Variants in DOCK10 observed in about 807,000 individuals in gnomAD.
DOCK10 encodes the protein dedicator of cytokinesis protein 10.
Under a neutral mutation model 280.1 loss-of-function variants are expected in DOCK10, and 145 were observed. The ratio of observed to expected loss-of-function variants is 0.52; its 90% CI spans 0.45 to 0.59. The LOEUF is 0.59. DOCK10 is among the 20% of genes least tolerant of loss of function. The pLI is 0.00. For synonymous variants in DOCK10, 915 were observed against 942.2 expected (o/e 0.97, Z 0.53); for missense variants, 2,368 against 2,651.7 (o/e 0.89, Z 2.35).
In DOCK10 at chr2:224,814,353, G is replaced by C. The variant is rs967844688; in HGVS notation, c.3376C>G (p.Pro1126Ala). The C allele has an allele frequency of 1.1e-5, 17 of 1,530,020 alleles. No homozygotes were observed. The highest frequency in any genetic ancestry group is 2.8e-5 in the African/African-American group (2 of 72,022). 94.8% of individuals were successfully genotyped at this position (1,530,020 alleles called of 1,614,324 possible). The change falls in exon 31 of 56, where the codon CCT becomes GCT. Residue 1126 changes from proline (P) to alanine (A), a missense_variant. This residue lies in a region of DOCK10 where 1,159 missense variants were observed against 1,400.8 expected (regional missense o/e 0.83). Coordinates refer to ENST00000258390, the MANE Select transcript of DOCK10 (RefSeq NM_014689.3). ...RSANIPDPLT[P>A]SESTQELHAS... ...TGTAACTCTTGAGTCGATTCTGAAG[G>C]TGTCAAAGGATCTGAATTTAATATA...
At chr2:225,004,757 C>T (rs1706525250) in intron 1 of DOCK10, among the ~76,000 whole-genome samples, 1 of 152,192 alleles carries the variant, frequency 6.6e-6, no homozygotes, top group Admixed American at 6.5e-5. Context: ...GATGCAATTT[C>T]AGAGCAGGCT....
chr2:224,986,610 G>GCTCTCTCT (rs34881146), intron 1 of DOCK10, among the ~76,000 whole-genome samples: 2 of 149,540 alleles, frequency 1.3e-5, no homozygotes, highest in Non-Finnish European at 3.0e-5. Context: ...ATAAACACCA[G>GCTCTCTCT]CTCTCTCTCT....
At chr2:224,852,502 C>T (rs1200327253) in intron 17 of DOCK10, 60 bp from the exon 18 acceptor site, 2 of 1,362,886 alleles carry the variant, frequency 1.5e-6, no homozygotes, top group African/African-American at 2.9e-5. Flanking sequence ...CATAAAAAAC[C>T]CAAGTGCCTA....
In DOCK10 at chr2:224,770,717, C is replaced by T. The variant is rs2124949259; in HGVS notation, c.6205-72G>A. 2.2e-5 allele frequency: 24 copies of T among 1,082,792 alleles called. No individual in the cohort carries two copies. In the South Asian group the frequency reaches 3.1e-4, roughly 14 times the overall value. 67.1% of individuals were successfully genotyped at this position (1,082,792 alleles called of 1,614,324 possible). ...GTCTTTTCCACCGCTGGAAGAGGAG[C>T]AACTGTGCACCAATGGTGTGGTACC... On this transcript the variant is annotated intron_variant, in intron 53 of 55. Coordinates refer to ENST00000258390, the MANE Select transcript of DOCK10 (RefSeq NM_014689.3). The surrounding 1 kb of genome is among the most constrained non-coding windows in gnomAD (Gnocchi z 4.5).
chr2:224,862,826 T>G, intron 13 of DOCK10, 80 bp from the exon 14 acceptor site: 1 of 894,212 alleles, frequency 1.1e-6, no homozygotes, highest in South Asian at 2.3e-5. Context: ...AAATACTTTT[T>G]CATATTATTT....
rs577799384 is a variant in DOCK10, at chr2:224,839,255, AT to A, written c.2780+698del. On this transcript the variant is annotated intron_variant, in intron 24 of 55. Transcript: ENST00000258390. ...CACCACGCCCGGCTAATTTTTTGTA[AT>A]TTTTTTTTTTTTTTTTTTAGTAGAG... 5.9e-3 allele frequency among the ~76,000 whole-genome samples: 777 copies of A among 131,702 alleles called. 2 individuals are homozygous for A. The highest frequency in any genetic ancestry group is 7.6e-3 in the Middle Eastern group (2 of 262). 86.4% of individuals were successfully genotyped at this position (131,702 alleles called of 152,430 possible).
At chr2:224,858,109 C>T (rs74432647) in intron 14 of DOCK10, among the ~76,000 whole-genome samples, 7,603 of 152,190 alleles carry the variant, frequency 0.05, 276 homozygotes, top group South Asian at 0.088. Context: ...TGTTTCAGTG[C>T]ATCACATGTT....
chr2:224,769,372 G>A (rs955940185), intron 55 of DOCK10, among the ~76,000 whole-genome samples: 1 of 152,192 alleles, frequency 6.6e-6, no homozygotes, highest in African/African-American at 2.4e-5. Flanking sequence ...AACAGTGCCA[G>A]GCCATTTAAG....
intron 1 of DOCK10, among the ~76,000 whole-genome samples, chr2:224,969,216 C>G (rs904029083): frequency 2.0e-5 from 3 of 152,202 alleles, no homozygotes; most frequent in Non-Finnish European, 2.9e-5. Flanking sequence ...TTTTAACTCA[C>G]TCAGTGATGA....
intron 1 of DOCK10, among the ~76,000 whole-genome samples, chr2:225,011,011 A>G (rs530384273): frequency 6.6e-6 from 1 of 152,342 alleles, no homozygotes; most frequent in East Asian, 1.9e-4. Flanking sequence ...GGTTTGGAAG[A>G]CAGCTTGGCT....
intron 1 of DOCK10, among the ~76,000 whole-genome samples, chr2:224,944,607 A>T (rs1468691843): frequency 2.6e-5 from 4 of 152,244 alleles, no homozygotes; most frequent in African/African-American, 7.2e-5. Context: ...GCCCAAGGTC[A>T]TATAGATGGC....
intron 1 of DOCK10, among the ~76,000 whole-genome samples, chr2:224,996,156 T>C (rs1344210132): frequency 1.3e-5 from 2 of 152,226 alleles, no homozygotes; most frequent in Non-Finnish European, 2.9e-5. Context: ...CACTGTGTGA[T>C]AAAAGGTCAC....
intron 2 of DOCK10, among the ~76,000 whole-genome samples, chr2:224,919,633 T>A (rs970110673): frequency 6.7e-6 from 1 of 149,976 alleles, no homozygotes; most frequent in East Asian, 2.0e-4. Context: ...TGTGAATGTG[T>A]GTGGTGAGTG....
In DOCK10 at chr2:224,857,062, ACTT is replaced by A. The variant is rs1190999425; in HGVS notation, c.1686-83_1686-81del. On this transcript the variant is annotated intron_variant, in intron 14 of 55. Transcript: ENST00000258390. ...TTTTTAACGTGACTATATTAATTAA[ACTT>A]CTCATTTATAATCAGAGAAACTCTA... is the stretch of plus-strand genomic sequence containing the variant. 5 of 1,183,260 alleles carry A rather than the reference ACTT, an allele frequency of 4.2e-6. No individual in the cohort carries two copies. In the African/African-American group the frequency reaches 6.2e-5, roughly 15 times the overall value. 73.3% of individuals were successfully genotyped at this position (1,183,260 alleles called of 1,614,324 possible).
At position 224,991,506 on chromosome 2, in the gene DOCK10, A is replaced by T. The variant is rs143691191; in HGVS notation, c.123+50746T>A. On this transcript the variant is annotated intron_variant, in intron 1 of 55. Coordinates refer to ENST00000258390, the MANE Select transcript of DOCK10 (RefSeq NM_014689.3). Reference sequence around the variant, plus strand: ...ATTATCATTGTTATTCCAAGTTAGTACCAAAGTGGGTAGATAACAGTCCTG... The same window carrying T: ...ATTATCATTGTTATTCCAAGTTAGTTCCAAAGTGGGTAGATAACAGTCCTG... 3.0e-3 allele frequency among the ~76,000 whole-genome samples: 461 copies of T among 152,294 alleles called. 2 individuals are homozygous for T. The highest frequency in any genetic ancestry group is 0.011 in the African/African-American group (440 of 41,568).
At position 224,970,327 on chromosome 2, in the gene DOCK10, C is replaced by A. The variant is rs1250998430; in HGVS notation, c.124-38659G>T. 1.3e-5 allele frequency among the ~76,000 whole-genome samples: 2 copies of A among 152,160 alleles called. No homozygotes were observed. The highest frequency in any genetic ancestry group is 3.8e-4 in the East Asian group (2 of 5,202). On this transcript the variant is annotated intron_variant, in intron 1 of 55. Coordinates refer to ENST00000258390, the MANE Select transcript of DOCK10 (RefSeq NM_014689.3). This position sits in a 1 kb window ranked among gnomAD's most constrained non-coding sequence, Gnocchi z 4.6. ...GTTTTTACTCAGTTTTCATTTAGATCATCACCAACAGCTTTGTGAGGAATC... is the reference window on the plus strand; with the variant it reads ...GTTTTTACTCAGTTTTCATTTAGATAATCACCAACAGCTTTGTGAGGAATC...
intron 1 of DOCK10, chr2:224,983,458 A>G (rs1390466637): frequency 9.4e-6 from 2 of 212,214 alleles, no homozygotes; most frequent in Non-Finnish European, 2.0e-5. Context: ...TTCAATCTTG[A>G]GATCTTTCTG....
At chr2:224,940,462 C>A (rs1322940196) in intron 1 of DOCK10, among the ~76,000 whole-genome samples, 1 of 152,132 alleles carries the variant, frequency 6.6e-6, no homozygotes, top group Non-Finnish European at 1.5e-5. Flanking sequence ...TAAAGGAGGA[C>A]CTCTTTTAGC....
intron 50 of DOCK10, among the ~76,000 whole-genome samples, chr2:224,784,336 C>T (rs1347232892): frequency 6.6e-6 from 1 of 152,134 alleles, no homozygotes; most frequent in Non-Finnish European, 1.5e-5. Context: ...AAAATTCTGA[C>T]CATTCTGGTC....
Sources: gnomAD v4.1 joint callset for allele counts (sites outside exome capture counted in the v4.1 genomes callset) on GRCh38, gnomAD v4.1.1 for gene constraint, gnomAD v4.1.1 regional missense constraint, Gnocchi (gnomAD v3.1) non-coding constraint, MANE v1.5 for transcripts, NCBI Gene and HGNC (gene_info 2026-07-23, HGNC 2026-07-21) for gene names.